The following RAP1GAP2 variants were observed in gnomAD, a reference collection of about 807,000 sequenced individuals.
The protein encoded by RAP1GAP2 is RAP1 GTPase activating protein 2.
RAP1GAP2 carries 27 observed loss-of-function variants against 95.0 expected under a neutral mutation model. The ratio of observed to expected loss-of-function variants is 0.28; its 90% CI spans 0.21 to 0.39. RAP1GAP2 has a LOEUF of 0.39. Among genes scored for constraint, RAP1GAP2 ranks in the 10% least tolerant of loss-of-function variants. RAP1GAP2 has a pLI of 1.00. For missense variants in RAP1GAP2, 771 were observed against 970.0 expected, an observed-to-expected ratio of 0.79 and a Z score of 2.72; for synonymous variants, 373 against 380.9, an observed-to-expected ratio of 0.98 and a Z score of 0.24.
chr17:2,832,901 C>G (rs1169809977), intron 2 of RAP1GAP2, among the ~76,000 whole-genome samples: 2 of 151,894 alleles, frequency 1.3e-5, no homozygotes, highest in Admixed American at 1.3e-4. Flanking sequence ...CTTGCTGGAA[C>G]TTGGGAGGCA....
At chr17:2,948,256 G>A (rs1440009160) in intron 3 of RAP1GAP2, among the ~76,000 whole-genome samples, 2 of 152,194 alleles carry the variant, frequency 1.3e-5, no homozygotes, top group Non-Finnish European at 2.9e-5. Flanking sequence ...GGATTTTAGC[G>A]AGGCTGCTGA....
intron 2 of RAP1GAP2, among the ~76,000 whole-genome samples, chr17:2,874,681 C>T (rs2073011164): frequency 6.6e-6 from 1 of 152,164 alleles, no homozygotes; most frequent in Admixed American, 6.6e-5. Context: ...GGTGCTACAT[C>T]ACCCATGGAA....
upstream of RAP1GAP2, among the ~76,000 whole-genome samples, chr17:2,796,011 G>A (rs1177656673): frequency 6.6e-6 from 1 of 152,150 alleles, no homozygotes; most frequent in South Asian, 2.1e-4. This position sits in a 1 kb window ranked among gnomAD's most constrained non-coding sequence, Gnocchi z 4.7. Flanking sequence ...TGTGTGGCTG[G>A]TTCCTCTGGC....
At chr17:2,878,350 C>T (rs975652999) in intron 2 of RAP1GAP2, among the ~76,000 whole-genome samples, 4 of 152,118 alleles carry the variant, frequency 2.6e-5, no homozygotes, top group Admixed American at 6.5e-5. Flanking sequence ...ATCTGGAGCT[C>T]AGCCCAGGCT....
At chr17:2,759,373 T>C (rs537290584) in intron 1 of RAP1GAP2, among the ~76,000 whole-genome samples, 2 of 152,290 alleles carry the variant, frequency 1.3e-5, no homozygotes, top group Non-Finnish European at 2.9e-5. Flanking sequence ...CTCTACCCGC[T>C]AGGCTCAGGT....
At position 2,800,547 on chromosome 17, in the gene RAP1GAP2, T is replaced by C. The variant is rs771203376; in HGVS notation, c.77T>C (p.Val26Ala). ...AAGACCATGCTGGCAAGTCTGAAGG[T>C]CAAGTAAGTAGCAATTTCCTGTTCT... is the stretch of plus-strand genomic sequence containing the variant. ...IDKTMLASLKVKKQELANSSD... is the reference protein window; with the variant it reads ...IDKTMLASLKAKKQELANSSD... The change falls in exon 2 of 25, where the codon GTC (valine) becomes GCC (alanine). Residue 26 changes from valine to alanine, a missense_variant. Coordinates refer to ENST00000254695, the MANE Select transcript of RAP1GAP2 (RefSeq NM_015085.5). 4 of 1,612,738 alleles carry C rather than the reference T, an allele frequency of 2.5e-6. No individual in the cohort carries two copies. The highest frequency in any genetic ancestry group is 3.3e-5 in the Admixed American group (2 of 59,826).
At chr17:3,014,512 G>A (rs979805087) in intron 17 of RAP1GAP2, among the ~76,000 whole-genome samples, 3 of 150,890 alleles carry the variant, frequency 2.0e-5, no homozygotes, top group East Asian at 3.9e-4. Flanking sequence ...TGTTGTCAAC[G>A]CACAAGGGCA....
intron 14 of RAP1GAP2, among the ~76,000 whole-genome samples, chr17:3,002,533 C>A (rs2151597642): frequency 6.6e-6 from 1 of 152,306 alleles, no homozygotes; most frequent in African/African-American, 2.4e-5. Context: ...CGGTTAGATC[C>A]CCCAGGGGGC....
At chr17:2,891,859 C>T (rs1159696824) in intron 2 of RAP1GAP2, among the ~76,000 whole-genome samples, 3 of 109,600 alleles carry the variant, frequency 2.7e-5, no homozygotes, top group Admixed American at 1.4e-4. Context: ...GTTTCACTCT[C>T]GTCTCCCAGG....
chr17:2,838,859 A>C (rs2071256259), intron 2 of RAP1GAP2, among the ~76,000 whole-genome samples: 1 of 152,196 alleles, frequency 6.6e-6, no homozygotes, highest in Non-Finnish European at 1.5e-5. Context: ...CACCTTTCTA[A>C]CATTTGCTAA....
intron 3 of RAP1GAP2, among the ~76,000 whole-genome samples, chr17:2,946,061 G>A (rs2043687486): frequency 6.6e-6 from 1 of 152,192 alleles, no homozygotes; most frequent in African/African-American, 2.4e-5. Context: ...AAAGTGCTGG[G>A]ATTACAGGTG....
At chr17:3,006,086 A>G in intron 16 of RAP1GAP2, 45 bp downstream of exon 16, 1 of 1,360,552 alleles carries the variant, frequency 7.3e-7, no homozygotes, top group Non-Finnish European at 1.0e-6. Context: ...CTGCTGGGCC[A>G]CCTGTTAGCC....
At chr17:3,009,792 G>A (rs1446211556) in intron 17 of RAP1GAP2, among the ~76,000 whole-genome samples, 1 of 152,152 alleles carries the variant, frequency 6.6e-6, no homozygotes, top group African/African-American at 2.4e-5. Flanking sequence ...GAAATTGGGA[G>A]ATCAAGACGG....
intron 2 of RAP1GAP2, among the ~76,000 whole-genome samples, chr17:2,899,273 C>T (rs1323556898): frequency 6.6e-6 from 1 of 151,046 alleles, no homozygotes; most frequent in Non-Finnish European, 1.5e-5. Flanking sequence ...GGAGCGATCT[C>T]GGCTCACTGC....
upstream of RAP1GAP2, among the ~76,000 whole-genome samples, chr17:2,794,956 C>A (rs2069029100): frequency 7.6e-6 from 1 of 131,502 alleles, no homozygotes; most frequent in African/African-American, 2.8e-5. Context: ...TGGCTCACTG[C>A]AACCTCTGCC....
chr17:2,939,388 C>T (rs928936678), intron 3 of RAP1GAP2, among the ~76,000 whole-genome samples: 5 of 152,260 alleles, frequency 3.3e-5, no homozygotes, highest in African/African-American at 1.2e-4. Flanking sequence ...CCTTGCCCGG[C>T]GCACTTACTC....
chr17:2,830,630 C>T (rs972844177), intron 2 of RAP1GAP2, among the ~76,000 whole-genome samples: 2 of 152,012 alleles, frequency 1.3e-5, no homozygotes, highest in African/African-American at 4.8e-5. Flanking sequence ...AGGAGAATCG[C>T]TTGAACCTGG....
At position 3,008,164 on chromosome 17, in the gene RAP1GAP2, C is replaced by T; in HGVS notation, c.1494+19C>T. Reference sequence around the variant, plus strand: ...TTTTAAGGTATGAGCGTCAGAGTGACTGATGGTTGCTGTGGGGTTGGGATT... The same window carrying T: ...TTTTAAGGTATGAGCGTCAGAGTGATTGATGGTTGCTGTGGGGTTGGGATT... On this transcript the variant is annotated intron_variant, in intron 17 of 24. Coordinates refer to ENST00000254695, the MANE Select transcript of RAP1GAP2 (RefSeq NM_015085.5). This position sits in a 1 kb window ranked among gnomAD's most constrained non-coding sequence, Gnocchi z 4.2. The T allele has an allele frequency of 1.2e-6, 2 of 1,613,468 alleles. No individual in the cohort carries two copies. The highest frequency in any genetic ancestry group is 1.7e-6 in the Non-Finnish European group (2 of 1,179,536).
chr17:2,788,979 T>C (rs2068856535), intron 1 of RAP1GAP2, among the ~76,000 whole-genome samples: 1 of 152,166 alleles, frequency 6.6e-6, no homozygotes, highest in South Asian at 2.1e-4. Flanking sequence ...AATTGACACA[T>C]AAATTTAACC....
Sources: allele counts gnomAD v4.1 joint callset (sites outside exome capture counted in the v4.1 genomes callset), GRCh38; gene constraint gnomAD v4.1.1; non-coding constraint Gnocchi (gnomAD v3.1); transcripts MANE v1.5; gene names NCBI Gene and HGNC (gene_info 2026-07-23, HGNC 2026-07-21).